TMEM131L: variants seen among roughly 807,000 people sequenced by gnomAD.
TMEM131L encodes transmembrane 131 like.
Under a neutral mutation model 192.2 loss-of-function variants are expected in TMEM131L, and 54 were observed. That is an observed-to-expected ratio of 0.28 (90% confidence interval 0.23 to 0.35). The LOEUF is 0.35. Ranked by LOEUF, TMEM131L falls within the 10% of genes least tolerant of loss-of-function variation. The pLI, the probability that TMEM131L is intolerant of heterozygous loss-of-function variation, is 1.00. For synonymous variants in TMEM131L, 701 were observed against 704.9 expected, an observed-to-expected ratio of 0.99 and a Z score of 0.09; for missense variants, 1,888 against 1,972.9, an observed-to-expected ratio of 0.96 and a Z score of 0.82.
chr4:153,636,626 T>C lies in TMEM131L; in HGVS notation c.*50T>C. 6.4e-7 allele frequency: 1 copy of C among 1,563,478 alleles called. No individual in the cohort carries two copies. Among genetic ancestry groups the C allele is most frequent in the Non-Finnish European group, 8.8e-7 (1 of 1,142,586 alleles). On this transcript the variant is annotated 3_prime_UTR_variant, in exon 35 of 35. Coordinates refer to ENST00000409959, the MANE Select transcript of TMEM131L (RefSeq NM_001131007.2). Reference sequence around the variant, plus strand: ...TGAATAAAGAGGCTTGTGTTTTGATTACTAGTGTAAACTGGTTATTGAGAT... The same window carrying C: ...TGAATAAAGAGGCTTGTGTTTTGATCACTAGTGTAAACTGGTTATTGAGAT...
intron 2 of TMEM131L, among the ~76,000 whole-genome samples, chr4:153,473,353 G>T (rs1348695375): frequency 6.6e-6 from 1 of 152,206 alleles, no homozygotes; most frequent in Admixed American, 6.5e-5. Flanking sequence ...AGAAAGCTGC[G>T]TTTGTCTTCT....
At chr4:153,584,081 G>C (rs1472708311) in intron 11 of TMEM131L, among the ~76,000 whole-genome samples, 1 of 152,208 alleles carries the variant, frequency 6.6e-6, no homozygotes, top group Non-Finnish European at 1.5e-5. Context: ...ATTCAAAACT[G>C]TACCTATAAG....
intron 3 of TMEM131L, among the ~76,000 whole-genome samples, chr4:153,539,615 G>C (rs1169426157): frequency 6.7e-6 from 1 of 148,528 alleles, no homozygotes; most frequent in African/African-American, 2.5e-5. Flanking sequence ...TGATATACAT[G>C]TTAGTATTGT....
At chr4:153,632,161 A>G (rs1208502787) in intron 31 of TMEM131L, among the ~76,000 whole-genome samples, 1 of 152,132 alleles carries the variant, frequency 6.6e-6, no homozygotes. Context: ...AAAAATATAA[A>G]AATTAGCTGG....
intron 32 of TMEM131L, among the ~76,000 whole-genome samples, chr4:153,633,880 A>G (rs1247681162): frequency 6.6e-6 from 1 of 152,214 alleles, no homozygotes; most frequent in African/African-American, 2.4e-5. Flanking sequence ...AAGACACTTA[A>G]AGGTATTCCA....
At chr4:153,600,372 A>G (rs1731750006) in intron 21 of TMEM131L, among the ~76,000 whole-genome samples, 1 of 151,148 alleles carries the variant, frequency 6.6e-6, no homozygotes, top group Non-Finnish European at 1.5e-5. Context: ...GTCTCAGAAA[A>G]AAAAAAAAAA....
chr4:153,474,267 A>G (rs188980671), intron 3 of TMEM131L, among the ~76,000 whole-genome samples: 7 of 152,346 alleles, frequency 4.6e-5, no homozygotes, highest in Non-Finnish European at 1.0e-4. Context: ...TGTAAGTAAA[A>G]TAATTATGCT....
chr4:153,562,693 A>G (rs972522720), intron 7 of TMEM131L, among the ~76,000 whole-genome samples: 3 of 152,248 alleles, frequency 2.0e-5, no homozygotes, highest in African/African-American at 7.2e-5. Context: ...CTTCTCCAGT[A>G]TAGAGCTAGA....
chr4:153,623,117 T>C (rs368037164), intron 29 of TMEM131L, 34 bp downstream of exon 29: 2 of 1,526,598 alleles, frequency 1.3e-6, no homozygotes, highest in Non-Finnish European at 1.8e-6. Flanking sequence ...GCACTCTCGG[T>C]GGCCCTTCCC....
intron 2 of TMEM131L, among the ~76,000 whole-genome samples, 186 bp downstream of exon 2, chr4:153,467,467 T>C (rs1481380490): frequency 1.3e-5 from 2 of 152,186 alleles, no homozygotes; most frequent in Non-Finnish European, 2.9e-5. Context: ...TCCCACGCCA[T>C]GTGACAGGGC....
At chr4:153,621,574 T>C (rs1578884406) in intron 27 of TMEM131L, 109 bp from the exon 28 acceptor site, 5 of 1,074,044 alleles carry the variant, frequency 4.7e-6, no homozygotes, top group Non-Finnish European at 6.8e-6. Context: ...AGGACTCCTA[T>C]TGTCCCAGAT....
At chr4:153,612,016 G>GC (rs1732650860) in intron 25 of TMEM131L, among the ~76,000 whole-genome samples, 1 of 100,370 alleles carries the variant, frequency 1.0e-5, no homozygotes, top group Non-Finnish European at 2.3e-5. Flanking sequence ...GAATATTGGT[G>GC]TCCCCCCCCA....
At chr4:153,633,894 G>A (rs1294570943) in intron 32 of TMEM131L, among the ~76,000 whole-genome samples, 1 of 152,158 alleles carries the variant, frequency 6.6e-6, no homozygotes, top group Non-Finnish European at 1.5e-5. Context: ...TATTCCAGCT[G>A]TTCTTTCACA....
Position 153,584,934 on chromosome 4 carries a change from A to G in TMEM131L, c.1157+3A>G. On this transcript the variant is annotated splice_donor_region_variant and intron_variant, in intron 12 of 34. Coordinates refer to ENST00000409959, the MANE Select transcript of TMEM131L (RefSeq NM_001131007.2). ...CTCTTCTCTTCTGTGGCTCAGGGGT[A>G]GGTTACTTCCACTTTCCCTGAAATC... is the stretch of plus-strand genomic sequence containing the variant. The G allele has an allele frequency of 1.2e-6, 2 of 1,606,458 alleles. No homozygotes were observed. The highest frequency in any genetic ancestry group is 1.7e-6 in the Non-Finnish European group (2 of 1,173,172).
At chr4:153,627,382 T>C (rs558653317) in intron 30 of TMEM131L, among the ~76,000 whole-genome samples, 1 of 152,290 alleles carries the variant, frequency 6.6e-6, no homozygotes, top group African/African-American at 2.4e-5. Flanking sequence ...ATTTTTTTTG[T>C]TGTTGGTTAT....
At chr4:153,571,626 TTA>T (rs1729593726) in intron 7 of TMEM131L, among the ~76,000 whole-genome samples, 1 of 152,212 alleles carries the variant, frequency 6.6e-6, no homozygotes, top group African/African-American at 2.4e-5. Context: ...AGTGGTGCAG[TTA>T]CAGTTATTAC....
intron 3 of TMEM131L, among the ~76,000 whole-genome samples, chr4:153,529,296 A>C (rs1735724936): frequency 1.3e-5 from 2 of 152,206 alleles, no homozygotes; most frequent in South Asian, 4.1e-4. Flanking sequence ...GCATACTTCT[A>C]AAATGTAGAT....
chr4:153,582,421 T>TTTTTTTG (rs1561212433), intron 9 of TMEM131L, among the ~76,000 whole-genome samples: 6 of 128,612 alleles, frequency 4.7e-5, no homozygotes, highest in African/African-American at 1.9e-4. Flanking sequence ...ATTTAAACCG[T>TTTTTTTG]TTTTTTTTGT....
In TMEM131L at chr4:153,471,002, T is replaced by G. The variant is rs534852141; in HGVS notation, c.196-2843T>G. Among the ~76,000 whole-genome samples the G allele has an allele frequency of 3.3e-5, 5 of 151,992 alleles. No individual in the cohort carries two copies. In the East Asian group the frequency reaches 7.7e-4, roughly 23 times the overall value. On this transcript the variant is annotated intron_variant, in intron 2 of 34. Coordinates refer to ENST00000409959, the MANE Select transcript of TMEM131L (RefSeq NM_001131007.2). ...TTTTTTGTTTGTTTTCTTTTTTTTT[T>G]TTGAGACTGAGTGTTGCTCTTGTCG...
Sources: gnomAD v4.1 joint callset for allele counts (sites outside exome capture counted in the v4.1 genomes callset) on GRCh38, gnomAD v4.1.1 for gene constraint, MANE v1.5 for transcripts, NCBI Gene and HGNC (gene_info 2026-07-23, HGNC 2026-07-21) for gene names.